Variants in UQCRC2 observed in about 807,000 individuals in gnomAD.
UQCRC2 encodes the protein ubiquinol-cytochrome c reductase core protein 2.
In UQCRC2, 49 loss-of-function variants were observed where a neutral mutation model predicts 55.6. The ratio of observed to expected loss-of-function variants is 0.88; its 90% CI spans 0.70 to 1.12. The LOEUF (loss-of-function observed/expected upper bound fraction) is 1.12. Ranked by LOEUF, UQCRC2 falls within the 50% of genes most tolerant of loss-of-function variation. The pLI, the probability that UQCRC2 is intolerant of heterozygous loss-of-function variation, is 0.00. For synonymous variants in UQCRC2, 193 were observed against 192.0 expected (o/e 1.01, Z -0.04); for missense variants, 506 against 547.8 (o/e 0.92, Z 0.76).
chr16:21,971,819 G>A, intron 9 of UQCRC2, 104 bp from the exon 10 acceptor site: 1 of 1,530,654 alleles, frequency 6.5e-7, no homozygotes, highest in Non-Finnish European at 8.9e-7. Flanking sequence ...CCGAGCTGCA[G>A]AAAAGACTCG....
At chr16:21,965,930 T>C (rs1898314747) in intron 7 of UQCRC2, among the ~76,000 whole-genome samples, 1 of 152,160 alleles carries the variant, frequency 6.6e-6, no homozygotes, top group African/African-American at 2.4e-5. Flanking sequence ...GCAGTCCTTC[T>C]GCCTATGCCT....
At position 21,972,057 on chromosome 16, in the gene UQCRC2, A is replaced by G; in HGVS notation, c.901A>G (p.Arg301Gly). The G allele has an allele frequency of 6.2e-7, 1 of 1,614,168 alleles. No homozygotes were observed. The highest frequency in any genetic ancestry group is 1.3e-5 in the African/African-American group (1 of 75,062). Residue 301 changes from arginine to glycine, a missense_variant, in exon 10 of 14, where the codon AGG becomes GGG. Coordinates refer to ENST00000268379, the MANE Select transcript of UQCRC2 (RefSeq NM_003366.4). ...HVLGAGPHVK[R>G]GSNTTSHLHQ... ...CCTCGGTGCTGGGCCACATGTCAAG[A>G]GGGGCAGCAACACCACCAGCCATCT... is the stretch of plus-strand genomic sequence containing the variant.
At chr16:21,962,345 G>A (rs566453635) in intron 4 of UQCRC2, 115 bp from the exon 5 acceptor site, 41 of 1,233,282 alleles carry the variant, frequency 3.3e-5, no homozygotes, top group African/African-American at 3.2e-4. Context: ...ATTATTGTTC[G>A]CACCTTTTAT....
At position 21,961,626 on chromosome 16, in the gene UQCRC2, TTATATATATATATATATATATATA is replaced by T. The variant is rs67999727; in HGVS notation, c.333-814_333-791del. Among the ~76,000 whole-genome samples the T allele has an allele frequency of 3.1e-3, 197 of 64,484 alleles. 3 individuals carry two copies. The highest frequency in any genetic ancestry group is 6.5e-3 in the South Asian group (13 of 2,014). 42.3% of individuals were successfully genotyped at this position (64,484 alleles called of 152,430 possible). ...TGGTCAAATGTATATAACATAAAAT[TTATATATATATATATATATATATA>T]TATATATATATATATATATTTTAGA... On this transcript the variant is annotated intron_variant, in intron 4 of 13. Coordinates refer to ENST00000268379, the MANE Select transcript of UQCRC2 (RefSeq NM_003366.4).
chr16:21,965,408 A>G lies in UQCRC2; in HGVS notation c.515A>G (p.His172Arg). The G allele has an allele frequency of 6.2e-7, 1 of 1,613,766 alleles. No individual in the cohort carries two copies. The change falls in exon 7 of 14, where the codon CAT becomes CGT. Residue 172 changes from histidine to arginine, a missense_variant and splice_region_variant. His to Arg is a conservative substitution (Grantham distance 29). Transcript: ENST00000268379. ...AAATGCTTCTTCACTTATCTCACAGATGTCATTGAAAATTTGCATGCAGCA... is the reference window on the plus strand; with the variant it reads ...AAATGCTTCTTCACTTATCTCACAGGTGTCATTGAAAATTTGCATGCAGCA... ...KAVAFQNPQT[H>R]VIENLHAAAY...
intron 1 of UQCRC2, among the ~76,000 whole-genome samples, chr16:21,955,072 A>AG (rs1898067597): frequency 1.3e-5 from 2 of 151,668 alleles, no homozygotes; most frequent in Non-Finnish European, 2.9e-5. Context: ...AAAAAAAAAA[A>AG]AAATTACCAA....
intron 4 of UQCRC2, among the ~76,000 whole-genome samples, chr16:21,959,177 A>G (rs1401235149): frequency 6.6e-6 from 1 of 152,184 alleles, no homozygotes; most frequent in Non-Finnish European, 1.5e-5. Flanking sequence ...AGTTTGCTGC[A>G]TTGATTGACT....
chr16:21,976,881 C>T (rs556778483), intron 12 of UQCRC2: 105 of 152,232 alleles, frequency 6.9e-4, no homozygotes, highest in African/African-American at 2.4e-3. Flanking sequence ...AAAATTTAAA[C>T]AATATTCATT....
At chr16:21,965,554 G>A (rs141167004) in intron 7 of UQCRC2, 49 bp downstream of exon 7, 1 of 1,378,496 alleles carries the variant, frequency 7.3e-7, no homozygotes, top group African/African-American at 1.5e-5. Context: ...ACATTAAATT[G>A]AACATCTCCC....
At chr16:21,978,358 G>A (rs1898634261) in intron 12 of UQCRC2, among the ~76,000 whole-genome samples, 1 of 152,168 alleles carries the variant, frequency 6.6e-6, no homozygotes, top group Non-Finnish European at 1.5e-5. Flanking sequence ...GATGATAAAC[G>A]TTTGAGGTTC....
chr16:21,960,892 G>A (rs181046191), intron 4 of UQCRC2, among the ~76,000 whole-genome samples: 1 of 152,114 alleles, frequency 6.6e-6, no homozygotes, highest in African/African-American at 2.4e-5. Context: ...GTGGAGTGGT[G>A]CAGACATACC....
chr16:21,959,919 T>C (rs1445606637), intron 4 of UQCRC2: 2 of 152,198 alleles, frequency 1.3e-5, no homozygotes. Flanking sequence ...GCTTAAAATA[T>C]TCAGTCAACC....
intron 1 of UQCRC2, among the ~76,000 whole-genome samples, chr16:21,954,437 A>C (rs577680438): frequency 1.3e-5 from 2 of 152,262 alleles, no homozygotes; most frequent in East Asian, 3.9e-4. Flanking sequence ...TTAGGCTGTA[A>C]TTGCATTAAC....
In UQCRC2 at chr16:21,971,969, T is replaced by C. The variant is rs1297390118; in HGVS notation, c.813T>C (p.Phe271=). ...GAGACAGTCTTGTCCATGCTGCTTT[T>C]GTAGCAGAAAGTGCTGTCGCGGGAA... ...QNGDSLVHAA[F]VAESAVAGSA... Residue 271 remains phenylalanine, a synonymous_variant, in exon 10 of 14, where the codon TTT becomes TTC. Transcript: ENST00000268379. 2 of 1,614,204 alleles carry C rather than the reference T, an allele frequency of 1.2e-6. No individual in the cohort carries two copies.
intron 8 of UQCRC2, among the ~76,000 whole-genome samples, chr16:21,970,707 T>G (rs973783893): frequency 4.6e-5 from 7 of 152,186 alleles, no homozygotes; most frequent in African/African-American, 1.7e-4. Context: ...GGCCTCAGCC[T>G]CCCGAGTAGC....
rs771532333 is a variant in UQCRC2 at position 21,968,595 on chromosome 16, A to G, written c.613-33A>G. 11 of 1,566,340 alleles carry G rather than the reference A, an allele frequency of 7.0e-6. No individual in the cohort carries two copies. In the South Asian group the frequency reaches 8.2e-5, roughly 12 times the overall value. ...TTTACAGCTTTTTATATTTATGCTA[A>G]TATAACCTAATAAGTGTTTTTAACT... On this transcript the variant is annotated intron_variant, in intron 7 of 13. Coordinates refer to ENST00000268379, the MANE Select transcript of UQCRC2 (RefSeq NM_003366.4).
At chr16:21,980,410 G>A in intron 12 of UQCRC2, 137 bp from the exon 13 acceptor site, 2 of 860,988 alleles carry the variant, frequency 2.3e-6, no homozygotes, top group Admixed American at 2.7e-5. Flanking sequence ...TCTTCTTGGG[G>A]AATTCAGGAA....
chr16:21,960,103 C>T (rs1269955621), intron 4 of UQCRC2, among the ~76,000 whole-genome samples: 1 of 152,188 alleles, frequency 6.6e-6, no homozygotes, highest in African/African-American at 2.4e-5. Flanking sequence ...TCGTTTGAAG[C>T]TTTGACGCCA....
chr16:21,971,438 T>C lies in UQCRC2; in HGVS notation c.671-87T>C, dbSNP rs115440694. 5.4e-4 allele frequency: 601 copies of C among 1,106,240 alleles called. 5 individuals carry two copies. The African/African-American group carries it at 8.8e-3, about 16-fold the overall frequency. The allele number at this position is 1,106,240 out of a possible 1,614,324, so 68.5% of individuals were successfully genotyped here. ...ATTTTGTAGTGTTAGGATTTTACAA[T>C]CGTATTTTTAAAACAAGGAAAAAAT... On this transcript the variant is annotated intron_variant, in intron 8 of 13. Transcript: ENST00000268379.
Sources: allele counts gnomAD v4.1 joint callset (sites outside exome capture counted in the v4.1 genomes callset), GRCh38; gene constraint gnomAD v4.1.1; transcripts MANE v1.5; gene names NCBI Gene and HGNC (gene_info 2026-07-23, HGNC 2026-07-21).